CAV1: variants seen among roughly 807,000 people sequenced by gnomAD.
CAV1 encodes caveolin-1.
CAV1 carries 10 observed loss-of-function variants against 16.5 expected under a neutral mutation model. The observed-to-expected ratio is 0.61, with a 90% CI of 0.37 to 1.03. The LOEUF (loss-of-function observed/expected upper bound fraction) is 1.03, where lower values mean the gene tolerates loss of function less well. Ranked by LOEUF, CAV1 falls within the 50% of genes least tolerant of loss-of-function variation. CAV1 has a pLI of 0.01. For missense variants in CAV1, 212 were observed against 232.8 expected, an observed-to-expected ratio of 0.91 and a Z score of 0.58; for synonymous variants, 76 against 85.1, an observed-to-expected ratio of 0.89 and a Z score of 0.59.
intron 2 of CAV1, among the ~76,000 whole-genome samples, chr7:116,530,347 T>G (rs1793663427): frequency 6.6e-6 from 1 of 152,174 alleles, no homozygotes; most frequent in Non-Finnish European, 1.5e-5. Context: ...TTATGTGATC[T>G]CTACTGTAAG....
At chr7:116,528,426 A>G (rs1177905253) in intron 2 of CAV1, among the ~76,000 whole-genome samples, 1 of 152,250 alleles carries the variant, frequency 6.6e-6, no homozygotes, top group Non-Finnish European at 1.5e-5. Context: ...AATTAAAAGA[A>G]AAAGCTAGAG....
chr7:116,555,602 A>AAGAGAGAG (rs780499290), intron 2 of CAV1, among the ~76,000 whole-genome samples: 2 of 83,670 alleles, frequency 2.4e-5, no homozygotes, highest in Admixed American at 2.2e-4. Context: ...GAAAGAAAGA[A>AAGAGAGAG]AGAGAAAGAA....
At chr7:116,554,855 A>G (rs1794229015) in intron 2 of CAV1, among the ~76,000 whole-genome samples, 1 of 152,194 alleles carries the variant, frequency 6.6e-6, no homozygotes, top group Non-Finnish European at 1.5e-5. Context: ...AACTAAGCAA[A>G]TAAGACAATT....
In CAV1 at chr7:116,546,425, C is replaced by T. The variant is rs1282903094; in HGVS notation, c.196-12521C>T. Among the ~76,000 whole-genome samples, 4 of 152,094 alleles carry T rather than the reference C, an allele frequency of 2.6e-5. No homozygotes were observed. The East Asian group carries it at 7.7e-4, about 29-fold the overall frequency. On this transcript the variant is annotated intron_variant, in intron 2 of 2. Coordinates refer to ENST00000341049, the MANE Select transcript of CAV1 (RefSeq NM_001753.5). ...AATATGCAGGCCAGGCGTGGTGGCT[C>T]ATGCCTGTAATCCCAGCAATTTGGG...
In CAV1 at chr7:116,525,046, T is replaced by G; in HGVS notation, c.-17T>G. On this transcript the variant is annotated 5_prime_UTR_variant, in exon 1 of 3. Transcript: ENST00000341049. ...CAGGGAAACCTCCTCACAGTTTTCA[T>G]CCAGCCACGGGCCAGCATGTCTGGG... 1 of 1,614,090 alleles carries G rather than the reference T, an allele frequency of 6.2e-7. No individual in the cohort carries two copies.
chr7:116,535,773 G>T (rs1793798451), intron 2 of CAV1, among the ~76,000 whole-genome samples: 1 of 152,186 alleles, frequency 6.6e-6, no homozygotes, highest in Non-Finnish European at 1.5e-5. Flanking sequence ...ACCTCGAGAA[G>T]ATGTCTCTTG....
chr7:116,534,798 A>G (rs1043631338), intron 2 of CAV1, among the ~76,000 whole-genome samples: 3 of 152,184 alleles, frequency 2.0e-5, no homozygotes, highest in Non-Finnish European at 2.9e-5. Context: ...CTGTGAAGTC[A>G]GATTTAGAAA....
chr7:116,525,031 T>A, upstream of CAV1: 1 of 1,613,764 alleles, frequency 6.2e-7, no homozygotes, highest in South Asian at 1.1e-5. Context: ...CAGGGAAACC[T>A]CCTCACAGTT....
intron 2 of CAV1, among the ~76,000 whole-genome samples, chr7:116,536,288 ATTTATGTG>A (rs386717088): frequency 0.034 from 5,163 of 152,158 alleles, 292 homozygotes; most frequent in African/African-American, 0.12. Flanking sequence ...CCCAACAACC[ATTTATGTG>A]CATGGTGCTT....
intron 1 of CAV1, chr7:116,525,802 G>C: frequency 1.9e-6 from 2 of 1,038,488 alleles, no homozygotes; most frequent in Non-Finnish European, 2.3e-6. Flanking sequence ...GGGGAGCTGC[G>C]CAGGTGAGAC....
In CAV1 at chr7:116,559,203, C is replaced by T. The variant is rs750447403; in HGVS notation, c.453C>T (p.Tyr151=). 1.1e-5 allele frequency: 18 copies of T among 1,613,822 alleles called. No homozygotes were observed. The Admixed American group carries it at 1.5e-4, about 13-fold the overall frequency. ...IQCISRVYSI[Y]VHTVCDPLFE... ...GCATCAGCCGTGTCTATTCCATCTA[C>T]GTCCACACCGTCTGTGACCCACTCT... The change falls in exon 3 of 3, where the codon TAC becomes TAT. Residue 151 remains tyrosine (Y), a synonymous_variant. Transcript: ENST00000341049.
intron 2 of CAV1, among the ~76,000 whole-genome samples, chr7:116,550,193 A>ACACC (rs1167463097): frequency 1.3e-5 from 2 of 151,998 alleles, no homozygotes; most frequent in Non-Finnish European, 2.9e-5. Flanking sequence ...CCATCACCCC[A>ACACC]CACCCTAACC....
At chr7:116,546,067 CTCTCTGTTCAAGT>C (rs1271761985) in intron 2 of CAV1, among the ~76,000 whole-genome samples, 1 of 152,192 alleles carries the variant, frequency 6.6e-6, no homozygotes, top group East Asian at 1.9e-4. Flanking sequence ...GTTATCCCTC[CTCTCTGTTCAAGT>C]TCGCTAACTA....
Position 116,559,211 on chromosome 7 carries a change from C to T in CAV1, c.461C>T (p.Thr154Ile). 1.9e-6 allele frequency: 3 copies of T among 1,613,984 alleles called. No individual in the cohort carries two copies. Among genetic ancestry groups the T allele is most frequent in the African/African-American group, 1.3e-5 (1 of 75,044 alleles). The change falls in exon 3 of 3, where the codon ACC becomes ATC. Residue 154 changes from threonine to isoleucine, a missense_variant. Thr to Ile is a moderately conservative substitution (Grantham distance 89). Coordinates refer to ENST00000341049, the MANE Select transcript of CAV1 (RefSeq NM_001753.5). ...ISRVYSIYVH[T>I]VCDPLFEAVG... ...CGTGTCTATTCCATCTACGTCCACA[C>T]CGTCTGTGACCCACTCTTTGAAGCT... is the stretch of plus-strand genomic sequence containing the variant.
intron 2 of CAV1, among the ~76,000 whole-genome samples, chr7:116,556,095 T>C (rs1442599991): frequency 6.6e-6 from 1 of 152,260 alleles, no homozygotes; most frequent in Non-Finnish European, 1.5e-5. Context: ...TAGCAGTTTC[T>C]GAAAATGCAG....
intron 2 of CAV1, among the ~76,000 whole-genome samples, chr7:116,528,042 A>G (rs1316781841): frequency 6.6e-6 from 1 of 152,202 alleles, no homozygotes; most frequent in African/African-American, 2.4e-5. Flanking sequence ...TTTACTAAAA[A>G]CATTACCTTA....
chr7:116,544,917 T>G (rs1378654701), intron 2 of CAV1, among the ~76,000 whole-genome samples: 2 of 152,192 alleles, frequency 1.3e-5, no homozygotes, highest in Non-Finnish European at 2.9e-5. Context: ...CATGGCTAGC[T>G]CATTGACCTT....
chr7:116,557,854 C>T (rs35902398), intron 2 of CAV1, among the ~76,000 whole-genome samples: 4,682 of 152,246 alleles, frequency 0.031, 106 homozygotes, highest in Non-Finnish European at 0.052. Flanking sequence ...TAAACTACTG[C>T]ATCGATTGTG....
intron 2 of CAV1, among the ~76,000 whole-genome samples, chr7:116,556,855 C>T (rs2116102745): frequency 6.6e-6 from 1 of 152,274 alleles, no homozygotes; most frequent in African/African-American, 2.4e-5. Flanking sequence ...AGATTAAGAA[C>T]ACCTGCTGTA....
Sources: gnomAD v4.1 joint callset for allele counts (sites outside exome capture counted in the v4.1 genomes callset) on GRCh38, gnomAD v4.1.1 for gene constraint, MANE v1.5 for transcripts, NCBI Gene and HGNC (gene_info 2026-07-23, HGNC 2026-07-21) for gene names.